The following CARD10 variants were observed in gnomAD, a reference collection of about 807,000 sequenced individuals.
The protein encoded by CARD10 is caspase recruitment domain-containing protein 10.
Under a neutral mutation model 114.6 loss-of-function variants are expected in CARD10, and 49 were observed. The ratio of observed to expected loss-of-function variants is 0.43; its 90% CI spans 0.34 to 0.54. The LOEUF is 0.54. Ranked by LOEUF, CARD10 falls within the 20% of genes least tolerant of loss-of-function variation. The probability of loss-of-function intolerance (pLI) is 0.03; values close to 1 mark genes in which losing one functional copy is unlikely to be tolerated. For synonymous variants in CARD10, 602 were observed against 593.2 expected, an observed-to-expected ratio of 1.01 and a Z score of -0.21; for missense variants, 1,206 against 1,397.2, an observed-to-expected ratio of 0.86 and a Z score of 2.18.
chr22:37,491,954 C>G, intron 18 of CARD10, 87 bp from the exon 19 acceptor site: 2 of 869,930 alleles, frequency 2.3e-6, no homozygotes, highest in Non-Finnish European at 3.8e-6. Context: ...CCCCTATCAC[C>G]GCCTTCCCAG....
rs1250637804 is a variant in CARD10 at position 37,519,275 on chromosome 22, C to T, written c.-75G>A. 27 of 1,388,476 alleles carry T rather than the reference C, an allele frequency of 1.9e-5. No individual in the cohort carries two copies. Among genetic ancestry groups the T allele is most frequent in the South Asian group, 1.6e-5 (1 of 62,112 alleles). The allele number at this position is 1,388,476 out of a possible 1,614,324, so 86.0% of individuals were successfully genotyped here. ...GGCTCCCTAGGGCTAGATGTGCGGC[C>T]AAGCACCCCCGGGGCGTCGTCCGCA... is the stretch of plus-strand genomic sequence containing the variant. On this transcript the variant is annotated 5_prime_UTR_variant, in exon 1 of 20. Coordinates refer to ENST00000251973, the MANE Select transcript of CARD10 (RefSeq NM_014550.4). This position sits in a 1 kb window ranked among gnomAD's most constrained non-coding sequence, Gnocchi z 4.1.
At chr22:37,493,939 C>T (rs1203796357) in intron 16 of CARD10, 147 bp downstream of exon 16, 1 of 690,876 alleles carries the variant, frequency 1.4e-6, no homozygotes, top group Admixed American at 2.1e-5. Flanking sequence ...GTCTCTCAGG[C>T]CCCCAGCATG....
Position 37,497,012 on chromosome 22 carries a change from G to A in CARD10, c.1947+7C>T, listed in dbSNP as rs747167238. On this transcript the variant is annotated splice_region_variant and intron_variant, in intron 12 of 19. Transcript: ENST00000251973. ...CTACCCCCCCAGCTCAGGAGGCAGG[G>A]CCTCACCTCTCTTGGTTCCATCCTG... 3.1e-6 allele frequency: 5 copies of A among 1,606,848 alleles called. No individual in the cohort carries two copies.
At chr22:37,511,575 G>A (rs372970918) in intron 3 of CARD10, among the ~76,000 whole-genome samples, 14 of 149,754 alleles carry the variant, frequency 9.3e-5, no homozygotes, top group African/African-American at 2.5e-4. Context: ...CCCCAGCTCC[G>A]TCTCTAGCTC....
chr22:37,519,270 G>A lies in CARD10; in HGVS notation c.-70C>T, dbSNP rs1254624485. On this transcript the variant is annotated 5_prime_UTR_variant, in exon 1 of 20. Coordinates refer to ENST00000251973, the MANE Select transcript of CARD10 (RefSeq NM_014550.4). This position sits in a 1 kb window ranked among gnomAD's most constrained non-coding sequence, Gnocchi z 4.1. ...ACCAGGGCTCCCTAGGGCTAGATGT[G>A]CGGCCAAGCACCCCCGGGGCGTCGT... The A allele has an allele frequency of 3.6e-6, 5 of 1,401,216 alleles. No homozygotes were observed. The highest frequency in any genetic ancestry group is 4.6e-6 in the Non-Finnish European group (5 of 1,080,610). 86.8% of individuals were successfully genotyped at this position (1,401,216 alleles called of 1,614,324 possible).
chr22:37,500,454 ACTAT>A lies in CARD10; in HGVS notation c.1787+2144_1787+2147del, dbSNP rs369077271. Among the ~76,000 whole-genome samples the A allele has an allele frequency of 3.5e-3, 524 of 151,712 alleles. 1 individual carries two copies. Among genetic ancestry groups the A allele is most frequent in the Non-Finnish European group, 5.4e-3 (364 of 67,852 alleles). On this transcript the variant is annotated intron_variant, in intron 11 of 19. Transcript: ENST00000251973. ...GTTCTCCCTTGCTGTCCCCCACCTG[ACTAT>A]CTGTCAGCCCAACCCCCGGTCTGCC...
At position 37,491,085 on chromosome 22, in the gene CARD10, G is replaced by A. The variant is rs755738382; in HGVS notation, c.*74C>T. The A allele has an allele frequency of 4.1e-5, 50 of 1,219,710 alleles. 3 individuals are homozygous for A. The South Asian group carries it at 5.5e-4, about 13-fold the overall frequency. 75.6% of individuals were successfully genotyped at this position (1,219,710 alleles called of 1,614,324 possible). A position where few individuals can be genotyped will look rare whatever the true frequency, so the allele number is the denominator to read the frequency against. ...CCAAGGGTCTAGGAAGGCTCAGGGT[G>A]GGAGGGCCCAGCTTCACCATAGACA... On this transcript the variant is annotated 3_prime_UTR_variant, in exon 20 of 20. Transcript: ENST00000251973.
chr22:37,516,522 A>C (rs1221090756), intron 2 of CARD10, among the ~76,000 whole-genome samples: 1 of 152,264 alleles, frequency 6.6e-6, no homozygotes, highest in Non-Finnish European at 1.5e-5. Context: ...TAAACCTTTG[A>C]AAAATGAAAG....
At chr22:37,518,519 G>A (rs9610778) in intron 1 of CARD10, among the ~76,000 whole-genome samples, 24,685 of 152,204 alleles carry the variant, frequency 0.16, 2,028 homozygotes, top group South Asian at 0.23. Context: ...CTGTGGGAGT[G>A]GGGACCCACG....
chr22:37,508,988 G>A (rs748220035), intron 4 of CARD10: 263 of 1,549,034 alleles, frequency 1.7e-4, no homozygotes, highest in South Asian at 2.1e-4. Flanking sequence ...GCACACACTC[G>A]TGCTCTGGCC....
At position 37,519,346 on chromosome 22, in the gene CARD10, G is replaced by C; in HGVS notation, c.-146C>G. On this transcript the variant is annotated 5_prime_UTR_variant, in exon 1 of 20. Transcript: ENST00000251973. The surrounding 1 kb of genome is among the most constrained non-coding windows in gnomAD (Gnocchi z 4.1). Reference sequence around the variant, plus strand: ...CCCCGAGCTCCCCGCGACTCACCCCGCACGCTACAGTCGCCTCGGGCTCCC... The same window carrying C: ...CCCCGAGCTCCCCGCGACTCACCCCCCACGCTACAGTCGCCTCGGGCTCCC... The C allele has an allele frequency of 7.7e-7, 1 of 1,302,936 alleles. No individual in the cohort carries two copies. The highest frequency in any genetic ancestry group is 9.7e-7 in the Non-Finnish European group (1 of 1,027,736). The allele number at this position is 1,302,936 out of a possible 1,614,324, so 80.7% of individuals were successfully genotyped here. A position where few individuals can be genotyped will look rare whatever the true frequency, so the allele number is the denominator to read the frequency against.
chr22:37,496,436 A>C lies in CARD10; in HGVS notation c.2059+13T>G. ...TCTGGGGCCAACAGCTCCGACTCCC[A>C]AGCCAGACTTACCCTTCGAGTCCAT... is the stretch of plus-strand genomic sequence containing the variant. On this transcript the variant is annotated intron_variant, in intron 13 of 19. Transcript: ENST00000251973. The surrounding 1 kb of genome is among the most constrained non-coding windows in gnomAD (Gnocchi z 4.1). 6.3e-7 allele frequency: 1 copy of C among 1,597,784 alleles called. No individual in the cohort carries two copies. The highest frequency in any genetic ancestry group is 8.6e-7 in the Non-Finnish European group (1 of 1,166,462).
chr22:37,506,272 T>C lies in CARD10; in HGVS notation c.1303A>G (p.Thr435Ala). ...GLEAERDELL[T>A]TLTSLEGTKA... ...GTGCCCTCCAGGCTGGTGAGCGTTG[T>C]CAGCAGCTCATCCCGCTCCGCCTCC... The change falls in exon 7 of 20, where the codon ACA becomes GCA. Residue 435 changes from threonine (T) to alanine (A), a missense_variant. By Grantham distance (58) the Thr-to-Ala change is moderately conservative. Coordinates refer to ENST00000251973, the MANE Select transcript of CARD10 (RefSeq NM_014550.4). 6.2e-7 allele frequency: 1 copy of C among 1,609,622 alleles called. No homozygotes were observed. The highest frequency in any genetic ancestry group is 8.5e-7 in the Non-Finnish European group (1 of 1,178,094).
intron 16 of CARD10, among the ~76,000 whole-genome samples, chr22:37,493,293 G>T (rs1185563400): frequency 6.6e-6 from 1 of 152,148 alleles, no homozygotes; most frequent in African/African-American, 2.4e-5. Context: ...GTTAACCCTT[G>T]CCCTCCCTTC....
At chr22:37,499,243 G>A (rs1484668361) in intron 11 of CARD10, among the ~76,000 whole-genome samples, 2 of 152,112 alleles carry the variant, frequency 1.3e-5, no homozygotes, top group African/African-American at 2.4e-5. Flanking sequence ...CTGCTCAGCC[G>A]CTTGAGCCTC....
chr22:37,500,817 T>C (rs889518277), intron 11 of CARD10, among the ~76,000 whole-genome samples: 2 of 152,082 alleles, frequency 1.3e-5, no homozygotes, highest in African/African-American at 2.4e-5. Flanking sequence ...TAAACAACAA[T>C]GGCGACAATA....
rs549457419 is a variant in CARD10, at chr22:37,501,565, A to T, written c.1787+1037T>A. Among the ~76,000 whole-genome samples, 1 of 152,266 alleles carries T rather than the reference A, an allele frequency of 6.6e-6. No homozygotes were observed. The highest frequency in any genetic ancestry group is 1.5e-5 in the Non-Finnish European group (1 of 68,012). ...GCTGTACCCATCTGCTGCGTGACCC[A>T]TCCCTCTGCACCCAACACCTCCACA... On this transcript the variant is annotated intron_variant, in intron 11 of 19. Transcript: ENST00000251973. This position sits in a 1 kb window ranked among gnomAD's most constrained non-coding sequence, Gnocchi z 5.4.
chr22:37,492,759 T>G lies in CARD10; in HGVS notation c.2520A>C (p.Leu840=), dbSNP rs1381712151. 3.7e-6 allele frequency: 6 copies of G among 1,612,806 alleles called. No individual in the cohort carries two copies. The highest frequency in any genetic ancestry group is 5.1e-6 in the Non-Finnish European group (6 of 1,179,894). ...CCACGGGCCGCAGGGCAGACACCAGTAGCGGCCGCACCAAACTGTAGGGTC... is the reference window on the plus strand; with the variant it reads ...CCACGGGCCGCAGGGCAGACACCAGGAGCGGCCGCACCAAACTGTAGGGTC... ...SLRPYSLVRP[L]LVSALRPVVL... The change falls in exon 17 of 20, where the codon CTA becomes CTC. Residue 840 remains leucine, a synonymous_variant. Coordinates refer to ENST00000251973, the MANE Select transcript of CARD10 (RefSeq NM_014550.4). The surrounding 1 kb of genome is among the most constrained non-coding windows in gnomAD (Gnocchi z 5.7).
chr22:37,494,668 G>A (rs1313291300), intron 15 of CARD10: 1 of 173,280 alleles, frequency 5.8e-6, no homozygotes, highest in Non-Finnish European at 1.2e-5. Context: ...CTAAGCCCCT[G>A]AGGGGCACTA....
Sources: gnomAD v4.1 joint callset for allele counts (sites outside exome capture counted in the v4.1 genomes callset) on GRCh38, gnomAD v4.1.1 for gene constraint, Gnocchi (gnomAD v3.1) non-coding constraint, MANE v1.5 for transcripts, NCBI Gene and HGNC (gene_info 2026-07-23, HGNC 2026-07-21) for gene names.